PAX3: variants seen among roughly 807,000 people sequenced by gnomAD.
PAX3 encodes the protein paired box protein Pax-3.
Under a neutral mutation model 51.6 loss-of-function variants are expected in PAX3, and 14 were observed. That is an observed-to-expected ratio of 0.27 (90% CI 0.18 to 0.42). The LOEUF is 0.42. Among genes scored for constraint, PAX3 ranks in the 10% least tolerant of loss-of-function variants. The probability of loss-of-function intolerance (pLI) is 1.00; values close to 1 mark genes in which losing one functional copy is unlikely to be tolerated. For synonymous variants in PAX3, 280 were observed against 253.4 expected (o/e 1.11, Z -1.00); for missense variants, 540 against 642.8 (o/e 0.84, Z 1.73).
intron 7 of PAX3, among the ~76,000 whole-genome samples, chr2:222,218,955 T>A (rs1479458622): frequency 2.0e-5 from 3 of 152,204 alleles, no homozygotes; most frequent in Non-Finnish European, 4.4e-5. Flanking sequence ...CCTCCGGCTT[T>A]GAACTTTTCA....
At chr2:222,276,405 C>A (rs1051586449) in intron 4 of PAX3, among the ~76,000 whole-genome samples, 2 of 152,220 alleles carry the variant, frequency 1.3e-5, no homozygotes, top group African/African-American at 2.4e-5. Context: ...AAAGACAAGG[C>A]AAGGTAGCAG....
intron 7 of PAX3, among the ~76,000 whole-genome samples, chr2:222,207,710 A>T (rs1379779210): frequency 6.6e-6 from 1 of 152,086 alleles, no homozygotes; most frequent in Non-Finnish European, 1.5e-5. Context: ...TTGAATACCT[A>T]TTGCTCAATA....
At chr2:222,212,478 G>A (rs1691777310) in intron 7 of PAX3, among the ~76,000 whole-genome samples, 1 of 152,094 alleles carries the variant, frequency 6.6e-6, no homozygotes, top group South Asian at 2.1e-4. Flanking sequence ...CAGCAGAGGT[G>A]CAATCGCTAA....
chr2:222,210,702 A>T (rs2106050743), intron 7 of PAX3, among the ~76,000 whole-genome samples: 1 of 152,288 alleles, frequency 6.6e-6, no homozygotes, highest in East Asian at 1.9e-4. Flanking sequence ...GAGTTACTGC[A>T]TTCTAAATGG....
In PAX3 at chr2:222,232,243, A is replaced by C. The variant is rs142331431; in HGVS notation, c.627T>G (p.Ser209=). Residue 209 remains serine, a synonymous_variant, in exon 5 of 9, where the codon TCT becomes TCG. Coordinates refer to ENST00000392070, the MANE Select transcript of PAX3 (RefSeq NM_181458.4). ...PQSDEGSDID[S]EPDLPLKRKQ... ...TCCTCTTTAGTGGTAAATCTGGTTC[A>C]GAGTCAATATCAGAGCCTTCATCTG... The C allele has an allele frequency of 1.7e-5, 27 of 1,613,946 alleles. No individual in the cohort carries two copies. In the African/African-American group the frequency reaches 3.1e-4, roughly 18 times the overall value.
chr2:222,291,386 G>A (rs978009710), intron 4 of PAX3, among the ~76,000 whole-genome samples: 3 of 152,332 alleles, frequency 2.0e-5, no homozygotes, highest in African/African-American at 4.8e-5. Context: ...ATCATGCTTA[G>A]CGCGCGCCCG....
rs913875281 is a variant in PAX3 at position 222,273,341 on chromosome 2, G to A, written c.586+20826C>T. On this transcript the variant is annotated intron_variant, in intron 4 of 8. Coordinates refer to ENST00000392070, the MANE Select transcript of PAX3 (RefSeq NM_181458.4). ...TTCGGGCTTGTGTGTGTGTGCACAC[G>A]CCTGTGTGTCCATGTGTGTTTAAAC... Among the ~76,000 whole-genome samples, 8 of 152,246 alleles carry A rather than the reference G, an allele frequency of 5.3e-5. No homozygotes were observed. The Middle Eastern group carries it at 0.01, about 194-fold the overall frequency.
At chr2:222,248,930 G>A (rs1421476770) in intron 4 of PAX3, among the ~76,000 whole-genome samples, 1 of 152,168 alleles carries the variant, frequency 6.6e-6, no homozygotes, top group African/African-American at 2.4e-5. Flanking sequence ...AATAAGGAAA[G>A]TGACTGAGGA....
At chr2:222,280,825 T>A (rs1178553467) in intron 4 of PAX3, among the ~76,000 whole-genome samples, 1 of 152,234 alleles carries the variant, frequency 6.6e-6, no homozygotes, top group Non-Finnish European at 1.5e-5. Context: ...AATGGGGACT[T>A]GCCCAGTACC....
chr2:222,255,225 T>C (rs1693594970), intron 4 of PAX3, among the ~76,000 whole-genome samples: 1 of 152,218 alleles, frequency 6.6e-6, no homozygotes, highest in Non-Finnish European at 1.5e-5. Flanking sequence ...ATGTGAGTCA[T>C]GGGATCTGAT....
chr2:222,200,885 G>C lies in PAX3; in HGVS notation c.*523C>G. The C allele has an allele frequency of 2.1e-6, 1 of 487,580 alleles. No individual in the cohort carries two copies. The highest frequency in any genetic ancestry group is 2.6e-5 in the South Asian group (1 of 39,088). The allele number at this position is 487,580 out of a possible 1,614,324, so 30.2% of individuals were successfully genotyped here. On this transcript the variant is annotated 3_prime_UTR_variant, in exon 9 of 9. Coordinates refer to ENST00000392070, the MANE Select transcript of PAX3 (RefSeq NM_181458.4). Reference sequence around the variant, plus strand: ...TTATTTCAATTTCCAGTGTGTAAGAGTCAAGGATTCCTCCATTCTTGCTTC... The same window carrying C: ...TTATTTCAATTTCCAGTGTGTAAGACTCAAGGATTCCTCCATTCTTGCTTC...
At chr2:222,272,534 T>A (rs1369381038) in intron 4 of PAX3, among the ~76,000 whole-genome samples, 1 of 152,242 alleles carries the variant, frequency 6.6e-6, no homozygotes, top group Non-Finnish European at 1.5e-5. Flanking sequence ...GGTTAAGTTT[T>A]GTTGATGGAG....
chr2:222,264,932 T>C (rs1243004665), intron 4 of PAX3: 1 of 152,274 alleles, frequency 6.6e-6, no homozygotes, highest in Non-Finnish European at 1.5e-5. Context: ...TATTTTTTGC[T>C]TCTTCAGCTC....
chr2:222,279,822 G>GA (rs1333585161), intron 4 of PAX3, among the ~76,000 whole-genome samples: 2 of 151,864 alleles, frequency 1.3e-5, no homozygotes, highest in African/African-American at 2.4e-5. Flanking sequence ...CAAAGATTCA[G>GA]AAAAAAAATT....
chr2:222,285,755 C>T (rs1270568074), intron 4 of PAX3, among the ~76,000 whole-genome samples: 2 of 152,116 alleles, frequency 1.3e-5, no homozygotes, highest in Non-Finnish European at 2.9e-5. Context: ...ATAAATATGC[C>T]TACTTTTCAA....
chr2:222,270,310 A>G (rs527308283), intron 4 of PAX3, among the ~76,000 whole-genome samples: 34 of 152,202 alleles, frequency 2.2e-4, no homozygotes, highest in Admixed American at 3.9e-4. Flanking sequence ...CCTGGTAGAC[A>G]TAACATTCAG....
chr2:222,200,963 G>A lies in PAX3; in HGVS notation c.*445C>T. The stretch of plus-strand genomic sequence containing the variant: ...AAGTATCAGCATCGAACATCGACAT[G>A]TTATACTTTAGGGTATTCTATTATA... On this transcript the variant is annotated 3_prime_UTR_variant, in exon 9 of 9. Coordinates refer to ENST00000392070, the MANE Select transcript of PAX3 (RefSeq NM_181458.4). The A allele has an allele frequency of 1.7e-6, 1 of 599,810 alleles. No individual in the cohort carries two copies. The highest frequency in any genetic ancestry group is 2.0e-5 in the South Asian group (1 of 49,258). 37.2% of individuals were successfully genotyped at this position (599,810 alleles called of 1,614,324 possible).
Position 222,294,267 on chromosome 2 carries a change from G to T in PAX3, c.486C>A (p.Phe162Leu). The change falls in exon 4 of 9, where the codon TTC (phenylalanine) becomes TTA (leucine). Residue 162 changes from phenylalanine (F) to leucine (L), a missense_variant. Physicochemically the swap from Phe to Leu is conservative, Grantham distance 22. Around this residue, in one of 3 missense-constraint regions of PAX3, gnomAD observed 427 missense variants for 483.6 expected, o/e 0.88. Transcript: ENST00000392070. ...SSISRILRSK[F>L]GKGEEEEADL... is the part of the protein sequence containing the mutation. ...CGGCCTCCTCCTCTTCACCTTTCCC[G>T]AATTTACTTCTCAGGATGCGGCTGA... 7 of 1,614,144 alleles carry T rather than the reference G, an allele frequency of 4.3e-6. No homozygotes were observed. Among genetic ancestry groups the T allele is most frequent in the Non-Finnish European group, 5.9e-6 (7 of 1,180,028 alleles).
intron 7 of PAX3, among the ~76,000 whole-genome samples, chr2:222,216,868 T>C (rs1291806874): frequency 6.6e-6 from 1 of 152,186 alleles, no homozygotes; most frequent in African/African-American, 2.4e-5. Context: ...TACATCAATT[T>C]CAATGGCTCT....
Sources: gnomAD v4.1 joint callset for allele counts (sites outside exome capture counted in the v4.1 genomes callset) on GRCh38, gnomAD v4.1.1 for gene constraint, gnomAD v4.1.1 regional missense constraint, MANE v1.5 for transcripts, NCBI Gene and HGNC (gene_info 2026-07-23, HGNC 2026-07-21) for gene names.